BRD10: variants seen among roughly 807,000 people sequenced by gnomAD.
The protein encoded by BRD10 is bromodomain containing 10, also known as uncharacterized bromodomain-containing protein 10.
the BRD10 span, among the ~76,000 whole-genome samples, chr9:5,997,620 A>G: frequency 4.6e-5 from 7 of 152,294 alleles, no homozygotes; most frequent in East Asian, 7.7e-4. Context: ...CACCAATAAT[A>G]TATCATAAAC....
At chr9:5,931,704 C>G in the BRD10 span, among the ~76,000 whole-genome samples, 1 of 151,828 alleles carries the variant, frequency 6.6e-6, no homozygotes, top group Admixed American at 6.6e-5. Flanking sequence ...GAAAACAAAC[C>G]CAAAAGTTTA....
chr9:5,988,663 T>C, the BRD10 span: 4 of 700,702 alleles, frequency 5.7e-6, no homozygotes, highest in Non-Finnish European at 9.5e-6. Context: ...AAACCTTACT[T>C]ACTTAGCTTT....
the BRD10 span, among the ~76,000 whole-genome samples, chr9:5,957,776 C>A: frequency 8.3e-4 from 127 of 152,134 alleles, no homozygotes; most frequent in African/African-American, 3.0e-3. Flanking sequence ...TCAGTAAAAA[C>A]ATCAGCACTT....
chr9:5,882,930 G>A, the BRD10 span, among the ~76,000 whole-genome samples: 1 of 152,092 alleles, frequency 6.6e-6, no homozygotes, highest in Non-Finnish European at 1.5e-5. Flanking sequence ...AACACCGCGT[G>A]TTCTCACTCA....
chr9:6,005,918 C>G, the BRD10 span, among the ~76,000 whole-genome samples: 1 of 152,142 alleles, frequency 6.6e-6, no homozygotes, highest in Non-Finnish European at 1.5e-5. Context: ...TTAAAGAGAG[C>G]TCACTTAACG....
chr9:5,903,133 T>C, the BRD10 span, among the ~76,000 whole-genome samples: 9 of 152,256 alleles, frequency 5.9e-5, no homozygotes, highest in East Asian at 1.9e-4. Context: ...TGGGAATTTT[T>C]CAGTTATCTT....
chr9:5,951,785 CTATTT>C, the BRD10 span, among the ~76,000 whole-genome samples: 1 of 151,198 alleles, frequency 6.6e-6, no homozygotes, highest in Non-Finnish European at 1.5e-5. Flanking sequence ...GCACTATCTC[CTATTT>C]TATTAATGTG....
At chr9:5,947,142 C>T in the BRD10 span, among the ~76,000 whole-genome samples, 1 of 152,104 alleles carries the variant, frequency 6.6e-6, no homozygotes, top group South Asian at 2.1e-4. Context: ...TTAAGAGCTA[C>T]ATAAAATAAC....
the BRD10 span, among the ~76,000 whole-genome samples, chr9:5,960,283 C>T: frequency 6.6e-6 from 1 of 152,030 alleles, no homozygotes; most frequent in Non-Finnish European, 1.5e-5. Flanking sequence ...AACTACTGGC[C>T]GGGCGTGCTG....
chr9:5,922,532 T>C, the BRD10 span: 4 of 1,614,000 alleles, frequency 2.5e-6, no homozygotes, highest in Non-Finnish European at 3.4e-6. Context: ...TCCTGGTGAG[T>C]TGACAAAAAC....
At chr9:5,930,736 T>C in the BRD10 span, among the ~76,000 whole-genome samples, 1 of 152,310 alleles carries the variant, frequency 6.6e-6, no homozygotes, top group East Asian at 1.9e-4. Flanking sequence ...GCCTCTTTCT[T>C]GTTAAATGTG....
chr9:5,948,784 C>T, the BRD10 span, among the ~76,000 whole-genome samples: 1 of 151,978 alleles, frequency 6.6e-6, no homozygotes, highest in African/African-American at 2.4e-5. Context: ...TAAAAAGATC[C>T]TGTAATTTAT....
chr9:5,883,297 T>C, the BRD10 span, among the ~76,000 whole-genome samples: 3 of 152,170 alleles, frequency 2.0e-5, no homozygotes, highest in African/African-American at 4.8e-5. Flanking sequence ...TCTCTGTGTA[T>C]TATTTAGTTT....
chr9:5,926,500 G>T, the BRD10 span, among the ~76,000 whole-genome samples: 1 of 152,094 alleles, frequency 6.6e-6, no homozygotes, highest in South Asian at 2.1e-4. Context: ...TACAGACACA[G>T]TTGCACCATA....
At chr9:5,919,624 A>ATT in the BRD10 span, 37 of 1,466,900 alleles carry the variant, frequency 2.5e-5, no homozygotes, top group South Asian at 4.9e-4. Flanking sequence ...AACATTGAAA[A>ATT]TTTTTATGGG....
chr9:5,921,978 T>C, the BRD10 span: 2 of 1,612,334 alleles, frequency 1.2e-6, no homozygotes, highest in African/African-American at 2.7e-5. Context: ...GATGTAGTAG[T>C]TGTTCCAGCT....
At chr9:5,916,919 C>T in the BRD10 span, among the ~76,000 whole-genome samples, 17 of 152,168 alleles carry the variant, frequency 1.1e-4, no homozygotes, top group Non-Finnish European at 1.9e-4. Context: ...TGTGCTCTAG[C>T]CACGATCTCA....
chr9:5,993,429 G>C, the BRD10 span, among the ~76,000 whole-genome samples: 1 of 151,346 alleles, frequency 6.6e-6, no homozygotes, highest in Non-Finnish European at 1.5e-5. Flanking sequence ...GAAAGAAATA[G>C]ATAATATGTA....
the BRD10 span, among the ~76,000 whole-genome samples, chr9:5,880,384 C>T: frequency 1.1e-4 from 17 of 152,018 alleles, no homozygotes; most frequent in East Asian, 2.4e-3. Context: ...TCATGGCACG[C>T]GCCTGTAATC....
Sources: gnomAD v4.1 joint callset for allele counts (sites outside exome capture counted in the v4.1 genomes callset) on GRCh38, gnomAD v4.1.1 for gene constraint, MANE v1.5 for transcripts, NCBI Gene and HGNC (gene_info 2026-07-23, HGNC 2026-07-21) for gene names.